The following KCNU1 variants were observed in gnomAD, a reference collection of about 807,000 sequenced individuals.
KCNU1 encodes potassium channel subfamily U member 1.
Under a neutral mutation model 126.8 loss-of-function variants are expected in KCNU1, and 93 were observed. The ratio of observed to expected loss-of-function variants is 0.73; its 90% CI spans 0.62 to 0.87. The LOEUF (loss-of-function observed/expected upper bound fraction) is 0.87, where lower values mean the gene tolerates loss of function less well. Among genes scored for constraint, KCNU1 ranks in the 40% least tolerant of loss-of-function variants. The probability of loss-of-function intolerance (pLI) is 0.00; values close to 1 mark genes in which losing one functional copy is unlikely to be tolerated. For missense variants in KCNU1, 1,330 were observed against 1,367.1 expected, an observed-to-expected ratio of 0.97 and a Z score of 0.43; for synonymous variants, 523 against 494.2, an observed-to-expected ratio of 1.06 and a Z score of -0.77.
chr8:36,846,725 TG>T (rs1239677484), intron 18 of KCNU1, among the ~76,000 whole-genome samples: 3 of 141,056 alleles, frequency 2.1e-5, no homozygotes, highest in Non-Finnish European at 4.5e-5. Context: ...TGCTTGAACC[TG>T]GGAGGCGGAG....
intron 21 of KCNU1, among the ~76,000 whole-genome samples, chr8:36,910,242 A>T (rs374692801): frequency 4.6e-5 from 7 of 152,344 alleles, no homozygotes; most frequent in African/African-American, 1.4e-4. Context: ...CTTTTGCACC[A>T]ACCTAATGTA....
intron 19 of KCNU1, among the ~76,000 whole-genome samples, chr8:36,898,540 C>T (rs1050362735): frequency 6.6e-6 from 1 of 151,610 alleles, no homozygotes; most frequent in Non-Finnish European, 1.5e-5. Context: ...TCTCATGCTC[C>T]GATTCCCCAT....
rs75300599 is a variant in KCNU1 at position 36,792,769 on chromosome 8, A to G, written c.315+5344A>G. ...ATGTGTTAACATTATAATCATTATT[A>G]TAGTGTTGTCATTATTACACGAGTT... On this transcript the variant is annotated intron_variant, in intron 2 of 26. Transcript: ENST00000399881. Among the ~76,000 whole-genome samples, 654 of 152,330 alleles carry G rather than the reference A, an allele frequency of 4.3e-3. 7 individuals carry two copies. The highest frequency in any genetic ancestry group is 0.015 in the African/African-American group (616 of 41,568).
Position 36,802,938 on chromosome 8 carries a change from C to T in KCNU1, c.316-1089C>T, listed in dbSNP as rs538615673. 5.8e-4 allele frequency among the ~76,000 whole-genome samples: 88 copies of T among 152,282 alleles called. 1 individual carries two copies. The highest frequency in any genetic ancestry group is 1.0e-3 in the Non-Finnish European group (71 of 68,022). Reference sequence around the variant, plus strand: ...TAGAGAAATGTTTGTGGAATTTGAACATGAATTCAGTTGGAATCTCCAAAG... The same window carrying T: ...TAGAGAAATGTTTGTGGAATTTGAATATGAATTCAGTTGGAATCTCCAAAG... On this transcript the variant is annotated intron_variant, in intron 2 of 26. Coordinates refer to ENST00000399881, the MANE Select transcript of KCNU1 (RefSeq NM_001031836.3).
intron 2 of KCNU1, among the ~76,000 whole-genome samples, chr8:36,793,619 T>A (rs1802982868): frequency 6.6e-6 from 1 of 152,222 alleles, no homozygotes; most frequent in African/African-American, 2.4e-5. Context: ...GCTTGTTTAT[T>A]ATTGGAAACA....
intron 19 of KCNU1, chr8:36,888,478 C>T: frequency 2.0e-6 from 1 of 495,740 alleles, no homozygotes; most frequent in Non-Finnish European, 4.1e-6. Context: ...TCAGCCCCAT[C>T]ACGATTATCT....
intron 10 of KCNU1, among the ~76,000 whole-genome samples, chr8:36,821,386 C>T (rs1054913335): frequency 1.3e-5 from 2 of 152,166 alleles, no homozygotes; most frequent in Non-Finnish European, 2.9e-5. Context: ...TTGCCTGTTG[C>T]AATTTTCCTA....
At chr8:36,870,143 C>A (rs1381004764) in intron 19 of KCNU1, among the ~76,000 whole-genome samples, 1 of 152,140 alleles carries the variant, frequency 6.6e-6, no homozygotes, top group African/African-American at 2.4e-5. Flanking sequence ...AATCCTATGG[C>A]AGTCTTTCAT....
At chr8:36,858,903 A>T (rs1029358749) in intron 18 of KCNU1, among the ~76,000 whole-genome samples, 10 of 152,238 alleles carry the variant, frequency 6.6e-5, no homozygotes, top group African/African-American at 2.4e-4. Context: ...AGAATCTTTC[A>T]TTACTCTTAA....
chr8:36,864,476 C>T lies in KCNU1; in HGVS notation c.1964C>T (p.Pro655Leu), dbSNP rs190151094. 2,587 of 1,613,068 alleles carry T rather than the reference C, an allele frequency of 1.6e-3. 5 individuals are homozygous for T. Among genetic ancestry groups the T allele is most frequent in the Non-Finnish European group, 2.0e-3 (2,380 of 1,179,160 alleles). ...SSRISGQDSPPRVSASTSSIS... is the reference protein window; with the variant it reads ...SSRISGQDSPLRVSASTSSIS... ...CGTATATCAGGGCAGGATTCTCCGCCAAGGGTATCTGCAAGCACTTCGAGC... is the reference window on the plus strand; with the variant it reads ...CGTATATCAGGGCAGGATTCTCCGCTAAGGGTATCTGCAAGCACTTCGAGC... Residue 655 changes from proline to leucine, a missense_variant, in exon 19 of 27, where the codon CCA (proline) becomes CTA (leucine). Physicochemically the swap from Pro to Leu is moderately conservative, Grantham distance 98. This residue lies in a region of KCNU1 where 1,054 missense variants were observed against 1,053.9 expected (regional missense o/e 1.00). Coordinates refer to ENST00000399881, the MANE Select transcript of KCNU1 (RefSeq NM_001031836.3).
At chr8:36,898,797 G>A (rs1484228717) in intron 19 of KCNU1, among the ~76,000 whole-genome samples, 1 of 151,988 alleles carries the variant, frequency 6.6e-6, no homozygotes. Flanking sequence ...TGGAGAGTGT[G>A]GGAAAGAGCA....
At chr8:36,829,962 A>G (rs7012517) in intron 10 of KCNU1, among the ~76,000 whole-genome samples, 22,881 of 150,372 alleles carry the variant, frequency 0.15, 2,213 homozygotes, top group East Asian at 0.35. Flanking sequence ...CTTATATCTA[A>G]CCACATAAAT....
Position 36,921,485 on chromosome 8 carries a change from C to G in KCNU1, c.2597-1005C>G, listed in dbSNP as rs367644415. On this transcript the variant is annotated intron_variant, in intron 23 of 26. Coordinates refer to ENST00000399881, the MANE Select transcript of KCNU1 (RefSeq NM_001031836.3). ...TTTGAAGTCAAGAGTTTGAGACCAG[C>G]CTGGCCAACATGGTGAAGCCCTATC... Among the ~76,000 whole-genome samples the G allele has an allele frequency of 4.1e-4, 62 of 151,936 alleles. No individual in the cohort carries two copies. In the South Asian group the frequency reaches 0.013, roughly 31 times the overall value.
intron 19 of KCNU1, among the ~76,000 whole-genome samples, chr8:36,878,405 C>T (rs889891764): frequency 3.9e-5 from 6 of 152,058 alleles, no homozygotes; most frequent in Non-Finnish European, 7.4e-5. Context: ...AGACCTCACC[C>T]TCCATACAAA....
chr8:36,820,666 C>T, intron 10 of KCNU1, among the ~76,000 whole-genome samples: 1 of 147,076 alleles, frequency 6.8e-6, no homozygotes, highest in Non-Finnish European at 1.5e-5. Flanking sequence ...AGAAGCAATA[C>T]AGAAGGCCAA....
At chr8:36,853,150 G>A (rs992350528) in intron 18 of KCNU1, among the ~76,000 whole-genome samples, 2 of 152,274 alleles carry the variant, frequency 1.3e-5, no homozygotes, top group African/African-American at 4.8e-5. Flanking sequence ...AGGAGTTCGA[G>A]ACCAGACTGG....
chr8:36,827,413 C>T (rs1207306691), intron 10 of KCNU1, among the ~76,000 whole-genome samples: 1 of 152,050 alleles, frequency 6.6e-6, no homozygotes, highest in Non-Finnish European at 1.5e-5. Context: ...CTTGTGTGAC[C>T]ACGAAATGTT....
intron 7 of KCNU1, 120 bp from the exon 8 acceptor site, chr8:36,814,087 G>A (rs1803820975): frequency 2.9e-6 from 2 of 701,494 alleles, no homozygotes; most frequent in African/African-American, 1.8e-5. Context: ...CAACCTGAAA[G>A]CCATTTGGTA....
chr8:36,894,714 A>T (rs1337733100), intron 19 of KCNU1, among the ~76,000 whole-genome samples: 1 of 152,144 alleles, frequency 6.6e-6, no homozygotes, highest in Non-Finnish European at 1.5e-5. Flanking sequence ...ACCTGTGAAA[A>T]TATATTCAAA....
Sources: gnomAD v4.1 joint callset for allele counts (sites outside exome capture counted in the v4.1 genomes callset) on GRCh38, gnomAD v4.1.1 for gene constraint, gnomAD v4.1.1 regional missense constraint, MANE v1.5 for transcripts, NCBI Gene and HGNC (gene_info 2026-07-23, HGNC 2026-07-21) for gene names.